The following PKM variants were observed in gnomAD, a reference collection of about 807,000 sequenced individuals.
PKM encodes pyruvate kinase PKM.
A neutral mutation model predicts 49.8 loss-of-function variants in PKM; 18 were observed. That is an observed-to-expected ratio of 0.36 (90% CI 0.25 to 0.54). The LOEUF is 0.54. PKM is among the 20% of genes least tolerant of loss of function. The pLI is 0.89. For synonymous variants in PKM, 239 were observed against 261.8 expected (o/e 0.91, Z 0.84); for missense variants, 508 against 713.8 (o/e 0.71, Z 3.28).
At position 72,202,916 on chromosome 15, in the gene PKM, G is replaced by A. The variant is rs2081980434; in HGVS notation, c.1141-296C>T. The A allele has an allele frequency of 5.1e-6, 6 of 1,183,042 alleles. No individual in the cohort carries two copies. The highest frequency in any genetic ancestry group is 7.5e-6 in the Non-Finnish European group (6 of 799,238). 73.3% of individuals were successfully genotyped at this position (1,183,042 alleles called of 1,614,324 possible). On this transcript the variant is annotated intron_variant, in intron 8 of 10. Transcript: ENST00000335181. This position sits in a 1 kb window ranked among gnomAD's most constrained non-coding sequence, Gnocchi z 4.5. Reference sequence around the variant, plus strand: ...CTGGCGGTGTTCCTACAGACGAGAAGAGGCTCTGTGCCCAGATGCCAGGTT... The same window carrying A: ...CTGGCGGTGTTCCTACAGACGAGAAAAGGCTCTGTGCCCAGATGCCAGGTT...
At chr15:72,209,433 ATATATATGTATATATATATATATATG>A (rs1377254602) in intron 5 of PKM, 7,377 of 27,624 alleles carry the variant, frequency 0.27, 655 homozygotes, top group East Asian at 0.42. Context: ...ATATATATAT[ATATATATGTATATATATATATATATG>A]TATGTATGTT....
intron 8 of PKM, among the ~76,000 whole-genome samples, chr15:72,204,881 A>G (rs1461072300): frequency 6.6e-6 from 1 of 152,134 alleles, no homozygotes; most frequent in Non-Finnish European, 1.5e-5. Context: ...GAAATTAGAG[A>G]GAGGGGATGT....
chr15:72,212,701 G>A (rs1050739262), intron 3 of PKM, among the ~76,000 whole-genome samples: 1 of 152,120 alleles, frequency 6.6e-6, no homozygotes, highest in Non-Finnish European at 1.5e-5. Flanking sequence ...ATGTTATCAC[G>A]TGGATAAGAG....
At chr15:72,221,837 A>G (rs2082532970) in intron 1 of PKM, among the ~76,000 whole-genome samples, 1 of 151,822 alleles carries the variant, frequency 6.6e-6, no homozygotes, top group African/African-American at 2.4e-5. Flanking sequence ...AAAACGATAC[A>G]AGTCTTAGGC....
chr15:72,209,888 A>G (rs757407626), intron 4 of PKM, 29 bp from the exon 5 acceptor site: 6 of 1,592,418 alleles, frequency 3.8e-6, no homozygotes, highest in Non-Finnish European at 5.2e-6. Context: ...GCAAGAGTCC[A>G]AACTGGAGAC....
chr15:72,212,623 C>T (rs2082282652), intron 3 of PKM, among the ~76,000 whole-genome samples: 1 of 152,060 alleles, frequency 6.6e-6, no homozygotes, highest in African/African-American at 2.4e-5. Context: ...ATAAATGTTA[C>T]CTATTATCAT....
At position 72,217,473 on chromosome 15, in the gene PKM, A is replaced by G; in HGVS notation, c.182T>C (p.Leu61Ser). 1 of 1,611,770 alleles carries G rather than the reference A, an allele frequency of 6.2e-7. No homozygotes were observed. Among genetic ancestry groups the G allele is most frequent in the Non-Finnish European group, 8.5e-7 (1 of 1,177,824 alleles). Residue 61 changes from leucine (L) to serine (S), a missense_variant, in exon 3 of 11, where the codon TTG becomes TCG. By Grantham distance (145) the Leu-to-Ser change is moderately radical. Coordinates refer to ENST00000335181, the MANE Select transcript of PKM (RefSeq NM_002654.6). ...IGPASRSVETLKEMIKSGMNV... is the reference protein window; with the variant it reads ...IGPASRSVETSKEMIKSGMNV... Reference sequence around the variant, plus strand: ...CATTCCAGACTTAATCATCTCCTTCAACGTCTCCACTGATCGGGAAGCTGG... The same window carrying G: ...CATTCCAGACTTAATCATCTCCTTCGACGTCTCCACTGATCGGGAAGCTGG...
intron 2 of PKM, among the ~76,000 whole-genome samples, chr15:72,218,339 C>T (rs2082427312): frequency 1.3e-5 from 2 of 152,070 alleles, no homozygotes; most frequent in Admixed American, 6.6e-5. Flanking sequence ...GTTGGCCAGG[C>T]TGGTCTCGAA....
chr15:72,206,672 A>T, intron 8 of PKM, 56 bp downstream of exon 8: 3 of 1,568,496 alleles, frequency 1.9e-6, no homozygotes, highest in Non-Finnish European at 2.6e-6. Flanking sequence ...CAGAGCTTGC[A>T]TCCATCCCAG....
At chr15:72,209,967 T>C (rs1176873046) in intron 4 of PKM, 108 bp from the exon 5 acceptor site, 1 of 920,464 alleles carries the variant, frequency 1.1e-6, no homozygotes. Context: ...CTCAAGTCAC[T>C]GCTAAAAGTA....
At chr15:72,206,137 A>AC (rs1191424476) in intron 8 of PKM, 1 of 156,046 alleles carries the variant, frequency 6.4e-6, no homozygotes, top group Non-Finnish European at 1.4e-5. Context: ...CAGCAGCTGT[A>AC]CCCCAATGGC....
chr15:72,211,409 A>G (rs2082251305), intron 3 of PKM, among the ~76,000 whole-genome samples: 1 of 152,164 alleles, frequency 6.6e-6, no homozygotes, highest in Non-Finnish European at 1.5e-5. Context: ...AAAGGTGGTC[A>G]TATGCCTTTC....
In PKM at chr15:72,217,457, C is replaced by A. The variant is rs1254149879; in HGVS notation, c.198G>T (p.Lys66Asn). Residue 66 changes from lysine (K) to asparagine (N), a missense_variant, in exon 3 of 11, where the codon AAG becomes AAT. By Grantham distance (94) the Lys-to-Asn change is moderately conservative (BLOSUM62 0). Coordinates refer to ENST00000335181, the MANE Select transcript of PKM (RefSeq NM_002654.6). ...TCAGACGAGCCACATTCATTCCAGA[C>A]TTAATCATCTCCTTCAACGTCTCCA... ...RSVETLKEMI[K>N]SGMNVARLNF... is the part of the protein sequence containing the mutation. 3 of 1,613,214 alleles carry A rather than the reference C, an allele frequency of 1.9e-6. No homozygotes were observed. The highest frequency in any genetic ancestry group is 2.7e-5 in the African/African-American group (2 of 74,910).
intron 3 of PKM, 104 bp downstream of exon 3, chr15:72,217,305 T>C: frequency 2.6e-6 from 2 of 760,094 alleles, no homozygotes; most frequent in Admixed American, 3.7e-5. Context: ...ACTGTGAAAC[T>C]CAGACTCATC....
intron 1 of PKM, among the ~76,000 whole-genome samples, chr15:72,224,510 C>T (rs534932890): frequency 6.6e-6 from 1 of 152,142 alleles, no homozygotes; most frequent in East Asian, 1.9e-4. Context: ...TTCTATGTTA[C>T]GAATTAAAGA....
At chr15:72,206,970 TAC>T (rs1446948815) in intron 7 of PKM, 90 bp from the exon 8 acceptor site, 3 of 1,523,368 alleles carry the variant, frequency 2.0e-6, no homozygotes, top group East Asian at 2.3e-5. Flanking sequence ...AGTGAGTAGG[TAC>T]ACAGAGTATG....
At chr15:72,206,706 T>C (rs897680851) in intron 8 of PKM, 22 bp downstream of exon 8, 1 of 1,612,022 alleles carries the variant, frequency 6.2e-7, no homozygotes, top group Non-Finnish European at 8.5e-7. Context: ...CCCTGGGGGA[T>C]GGGGCAGGCC....
At chr15:72,227,308 G>C (rs781047826) in intron 1 of PKM, among the ~76,000 whole-genome samples, 2 of 152,236 alleles carry the variant, frequency 1.3e-5, no homozygotes, top group African/African-American at 2.4e-5. Flanking sequence ...ACGCATTCTT[G>C]TGTTATACCA....
rs761458167 is a variant in PKM at position 72,199,763 on chromosome 15, G to A, written c.1490-7C>T. On this transcript the variant is annotated splice_region_variant and splice_polypyrimidine_tract_variant and intron_variant, in intron 10 of 10. Coordinates refer to ENST00000335181, the MANE Select transcript of PKM (RefSeq NM_002654.6). ...AAGAAGCCTCGGGCCTTGCCTGGAGGAAGAGAAGGGAGGTTGGTGAGTAAA... is the reference window on the plus strand; with the variant it reads ...AAGAAGCCTCGGGCCTTGCCTGGAGAAAGAGAAGGGAGGTTGGTGAGTAAA... 6.2e-7 allele frequency: 1 copy of A among 1,601,264 alleles called. No individual in the cohort carries two copies. The highest frequency in any genetic ancestry group is 8.6e-7 in the Non-Finnish European group (1 of 1,169,134).
Sources: allele counts gnomAD v4.1 joint callset (sites outside exome capture counted in the v4.1 genomes callset), GRCh38; gene constraint gnomAD v4.1.1; non-coding constraint Gnocchi (gnomAD v3.1); transcripts MANE v1.5; gene names NCBI Gene and HGNC (gene_info 2026-07-23, HGNC 2026-07-21).